The following GRM8 variants were observed in gnomAD, a reference collection of about 807,000 sequenced individuals.
GRM8 encodes the protein metabotropic glutamate receptor 8.
A neutral mutation model predicts 87.2 loss-of-function variants in GRM8; 47 were observed. That is an observed-to-expected ratio of 0.54 (90% CI 0.43 to 0.69). The LOEUF (loss-of-function observed/expected upper bound fraction) is 0.69, where lower values mean the gene tolerates loss of function less well. GRM8 is among the 30% of genes least tolerant of loss of function. GRM8 has a pLI of 0.00. For synonymous variants in GRM8, 396 were observed against 404.5 expected, an observed-to-expected ratio of 0.98 and a Z score of 0.25; for missense variants, 1,019 against 1,139.2, an observed-to-expected ratio of 0.89 and a Z score of 1.52.
At chr7:126,555,382 G>A (rs1793028086) in intron 8 of GRM8, among the ~76,000 whole-genome samples, 1 of 152,212 alleles carries the variant, frequency 6.6e-6, no homozygotes, top group East Asian at 1.9e-4. Context: ...ATAACCAACA[G>A]TGTATGGTTA....
intron 7 of GRM8, among the ~76,000 whole-genome samples, chr7:126,758,137 T>C (rs921011085): frequency 1.3e-5 from 2 of 152,290 alleles, no homozygotes; most frequent in South Asian, 4.1e-4. Flanking sequence ...TGGATGGGCA[T>C]GTATTTGGTG....
intron 3 of GRM8, among the ~76,000 whole-genome samples, chr7:127,101,294 T>A (rs1400037702): frequency 6.6e-6 from 1 of 152,146 alleles, no homozygotes; most frequent in Non-Finnish European, 1.5e-5. Context: ...CTACTTCTTA[T>A]AGTACAACCT....
chr7:126,755,530 C>T (rs1365089432), intron 7 of GRM8, among the ~76,000 whole-genome samples: 1 of 151,910 alleles, frequency 6.6e-6, no homozygotes, highest in African/African-American at 2.4e-5. Flanking sequence ...GCAGTTTTCT[C>T]AAATGTCTCT....
At chr7:126,963,856 A>G (rs1331189133) in intron 3 of GRM8, among the ~76,000 whole-genome samples, 3 of 152,194 alleles carry the variant, frequency 2.0e-5, no homozygotes, top group Admixed American at 2.0e-4. Context: ...CCACATAGCC[A>G]AGACAATCCA....
At chr7:126,797,154 C>T (rs201197244) in intron 6 of GRM8, among the ~76,000 whole-genome samples, 2 of 152,210 alleles carry the variant, frequency 1.3e-5, no homozygotes, top group East Asian at 3.9e-4. Flanking sequence ...GAGTTATTAT[C>T]AGACTTGCAG....
At chr7:126,719,080 G>C (rs1054129708) in intron 7 of GRM8, among the ~76,000 whole-genome samples, 2 of 152,314 alleles carry the variant, frequency 1.3e-5, no homozygotes, top group Admixed American at 1.3e-4. Context: ...TACTGAAAAG[G>C]TGGGAGGGTT....
intron 2 of GRM8, chr7:127,230,054 C>T (rs1227983269): frequency 1.3e-5 from 2 of 152,018 alleles, no homozygotes; most frequent in African/African-American, 4.8e-5. Context: ...TCCCAGAGTG[C>T]AACGGATGGG....
At position 126,561,871 on chromosome 7, in the gene GRM8, G is replaced by T. The variant is rs182507264; in HGVS notation, c.1495-27984C>A. Among the ~76,000 whole-genome samples the T allele has an allele frequency of 8.3e-3, 537 of 64,868 alleles. 5 individuals carry two copies. The highest frequency in any genetic ancestry group is 0.02 in the African/African-American group (503 of 24,990). The allele number at this position is 64,868 out of a possible 152,430, so 42.6% of individuals were successfully genotyped here. A position where few individuals can be genotyped will look rare whatever the true frequency, so the allele number is the denominator to read the frequency against. On this transcript the variant is annotated intron_variant, in intron 8 of 10. Transcript: ENST00000339582. ...AATTCCCACCTATGAGTGAGAACATGCGGTGTTTGGTTTTTTTGTCCTTGC... is the reference window on the plus strand; with the variant it reads ...AATTCCCACCTATGAGTGAGAACATTCGGTGTTTGGTTTTTTTGTCCTTGC...
intron 3 of GRM8, among the ~76,000 whole-genome samples, chr7:127,008,410 A>G (rs550484655): frequency 6.6e-6 from 1 of 152,134 alleles, no homozygotes; most frequent in Non-Finnish European, 1.5e-5. Flanking sequence ...AATGTCAACC[A>G]TCTATATTTT....
intron 6 of GRM8, among the ~76,000 whole-genome samples, chr7:126,825,243 T>G (rs1187671161): frequency 6.6e-6 from 1 of 150,384 alleles, no homozygotes; most frequent in Non-Finnish European, 1.5e-5. Context: ...ATTTGTTGTA[T>G]TTTTAGTAGA....
At chr7:126,557,594 T>C (rs974485040) in intron 8 of GRM8, among the ~76,000 whole-genome samples, 1 of 152,156 alleles carries the variant, frequency 6.6e-6, no homozygotes, top group Non-Finnish European at 1.5e-5. Context: ...TCACTGTGAG[T>C]AAAGAATTAA....
intron 7 of GRM8, among the ~76,000 whole-genome samples, chr7:126,687,540 T>C (rs921041870): frequency 1.3e-5 from 2 of 151,956 alleles, no homozygotes; most frequent in African/African-American, 4.8e-5. Context: ...ATTATGCACA[T>C]TACTACTACA....
chr7:126,894,198 C>T (rs531522561), intron 6 of GRM8, among the ~76,000 whole-genome samples: 1 of 152,114 alleles, frequency 6.6e-6, no homozygotes, highest in African/African-American at 2.4e-5. Flanking sequence ...AGTTTAATAG[C>T]CATTTAAAGG....
intron 7 of GRM8, among the ~76,000 whole-genome samples, chr7:126,732,441 A>G (rs1380673555): frequency 1.3e-5 from 2 of 152,146 alleles, no homozygotes; most frequent in Non-Finnish European, 2.9e-5. Context: ...ATTGTGCCTT[A>G]AGAGTTATTA....
At chr7:127,038,050 A>G (rs945377115) in intron 3 of GRM8, among the ~76,000 whole-genome samples, 1 of 152,200 alleles carries the variant, frequency 6.6e-6, no homozygotes, top group Non-Finnish European at 1.5e-5. Flanking sequence ...ATACATATCT[A>G]CCACTAATTT....
At chr7:126,866,595 T>C (rs1441222463) in intron 6 of GRM8, among the ~76,000 whole-genome samples, 2 of 133,722 alleles carry the variant, frequency 1.5e-5, no homozygotes, top group African/African-American at 5.6e-5. Context: ...TTTTTTTTTT[T>C]TTTTTTTTTT....
chr7:126,874,803 C>T (rs542195264), intron 6 of GRM8, among the ~76,000 whole-genome samples: 88 of 152,238 alleles, frequency 5.8e-4, no homozygotes, highest in Non-Finnish European at 1.1e-3. Flanking sequence ...CATGGAAGTA[C>T]ATTTGACCAT....
chr7:126,522,003 A>T (rs1363670721), intron 9 of GRM8, among the ~76,000 whole-genome samples: 1 of 152,136 alleles, frequency 6.6e-6, no homozygotes, highest in East Asian at 1.9e-4. Flanking sequence ...GAGCCCAAAT[A>T]TTCTTCTCCA....
chr7:126,518,745 A>T (rs566077514), intron 9 of GRM8, among the ~76,000 whole-genome samples: 1 of 152,164 alleles, frequency 6.6e-6, no homozygotes, highest in Non-Finnish European at 1.5e-5. Flanking sequence ...CATTTGCTTA[A>T]AAATTAGGTC....
Sources: allele counts gnomAD v4.1 joint callset (sites outside exome capture counted in the v4.1 genomes callset), GRCh38; gene constraint gnomAD v4.1.1; transcripts MANE v1.5; gene names NCBI Gene and HGNC (gene_info 2026-07-23, HGNC 2026-07-21).